Variants in CYP2J2 observed in about 807,000 individuals in gnomAD.
CYP2J2 encodes the protein cytochrome P450 family 2 subfamily J member 2.
In CYP2J2, 41 loss-of-function variants were observed where a neutral mutation model predicts 48.8. The observed-to-expected ratio is 0.84, with a 90% CI of 0.66 to 1.09. CYP2J2 has a LOEUF of 1.09. Ranked by LOEUF, CYP2J2 falls within the 50% of genes least tolerant of loss-of-function variation. CYP2J2 has a pLI of 0.00. For missense variants in CYP2J2, 644 were observed against 617.3 expected (o/e 1.04, Z -0.46); for synonymous variants, 221 against 227.1 (o/e 0.97, Z 0.24).
In CYP2J2 at chr1:59,926,386, G is replaced by T. The variant is rs11572194; in HGVS notation, c.210+151C>A. Reference sequence around the variant, plus strand: ...CATGCCAGTTAATGGGTTAGGAAATGAAACTCAAAGTGGGTTTTACCAGGT... The same window carrying T: ...CATGCCAGTTAATGGGTTAGGAAATTAAACTCAAAGTGGGTTTTACCAGGT... On this transcript the variant is annotated intron_variant, in intron 1 of 8. Transcript: ENST00000371204. 127 of 642,012 alleles carry T rather than the reference G, an allele frequency of 2.0e-4. 1 individual carries two copies. Among genetic ancestry groups the T allele is most frequent in the Admixed American group, 7.3e-4 (27 of 36,786 alleles). 39.8% of individuals were successfully genotyped at this position (642,012 alleles called of 1,614,324 possible).
chr1:59,960,626 T>C, the CYP2J2 span, among the ~76,000 whole-genome samples: 1 of 152,158 alleles, frequency 6.6e-6, no homozygotes, highest in Non-Finnish European at 1.5e-5. Context: ...GTGGATCACT[T>C]GAGGTCAGGA....
At chr1:59,935,016 AT>A in the CYP2J2 span, among the ~76,000 whole-genome samples, 2 of 13,092 alleles carry the variant, frequency 1.5e-4, no homozygotes, top group African/African-American at 1.0e-3. Context: ...ATATATATAC[AT>A]ATATATATAT....
intron 3 of CYP2J2, among the ~76,000 whole-genome samples, 179 bp from the exon 4 acceptor site, chr1:59,911,947 CA>C (rs1438574195): frequency 6.6e-6 from 1 of 152,178 alleles, no homozygotes; most frequent in Non-Finnish European, 1.5e-5. Context: ...CCAGGGAAGT[CA>C]AACTGCGGAC....
chr1:59,927,655 C>A (rs989114496), upstream of CYP2J2, among the ~76,000 whole-genome samples: 2 of 152,168 alleles, frequency 1.3e-5, no homozygotes, highest in South Asian at 4.1e-4. Context: ...TCACTGCAAC[C>A]TCCACCTCCC....
the CYP2J2 span, among the ~76,000 whole-genome samples, chr1:59,969,131 C>T: frequency 6.6e-6 from 1 of 152,266 alleles, no homozygotes; most frequent in East Asian, 1.9e-4. Flanking sequence ...AGTGTGGACC[C>T]AAAGAGTTAG....
At chr1:59,922,800 C>T (rs1644529576) in intron 1 of CYP2J2, among the ~76,000 whole-genome samples, 1 of 152,204 alleles carries the variant, frequency 6.6e-6, no homozygotes, top group Non-Finnish European at 1.5e-5. Context: ...CCCAACAGGA[C>T]AGAAACCATT....
the CYP2J2 span, among the ~76,000 whole-genome samples, chr1:59,951,289 C>T: frequency 1.3e-5 from 2 of 152,176 alleles, no homozygotes; most frequent in Admixed American, 1.3e-4. Context: ...GATCCTTCTC[C>T]AGACTACATG....
intron 1 of CYP2J2, among the ~76,000 whole-genome samples, chr1:59,921,978 C>T (rs1249407237): frequency 1.3e-5 from 2 of 152,194 alleles, no homozygotes; most frequent in African/African-American, 4.8e-5. Flanking sequence ...CCCTAAATCC[C>T]TCACTAACCT....
chr1:59,961,505 T>A, the CYP2J2 span, among the ~76,000 whole-genome samples: 1 of 152,176 alleles, frequency 6.6e-6, no homozygotes, highest in Admixed American at 6.5e-5. Flanking sequence ...CAGAATGAAA[T>A]CTTCATACAT....
intron 5 of CYP2J2, among the ~76,000 whole-genome samples, chr1:59,909,277 G>A (rs553635270): frequency 9.2e-4 from 140 of 152,280 alleles, no homozygotes; most frequent in African/African-American, 3.2e-3. Flanking sequence ...CTAATGTCTG[G>A]AACCTAGGGA....
intron 8 of CYP2J2, among the ~76,000 whole-genome samples, chr1:59,897,811 A>C (rs980219270): frequency 1.3e-5 from 2 of 152,226 alleles, no homozygotes; most frequent in Non-Finnish European, 2.9e-5. Flanking sequence ...ACACTTTAGA[A>C]GCTGTTACAT....
rs1172548606 is a variant in CYP2J2, at chr1:59,916,081, T to A, written c.230A>T (p.Asn77Ile). 1.9e-6 allele frequency: 3 copies of A among 1,608,672 alleles called. No individual in the cohort carries two copies. The highest frequency in any genetic ancestry group is 3.4e-5 in the Admixed American group (2 of 58,872). Residue 77 changes from asparagine to isoleucine, a missense_variant, in exon 2 of 9, where the codon AAC becomes ATC. Asn to Ile is a moderately radical substitution (Grantham distance 149). Transcript: ENST00000371204. ...EVQLFVKKYG[N>I]LFSLELGDIS... ...GTCACCAAGCTCCAAGCTAAAAAGG[T>A]TCCCATATTTCTTCACAAACTGAAA... is the stretch of plus-strand genomic sequence containing the variant.
At chr1:59,942,049 G>A in the CYP2J2 span, among the ~76,000 whole-genome samples, 3 of 152,198 alleles carry the variant, frequency 2.0e-5, no homozygotes, top group Admixed American at 6.5e-5. Context: ...TTCGTGATAA[G>A]TGCCTTATAC....
At chr1:59,941,088 G>A in the CYP2J2 span, among the ~76,000 whole-genome samples, 1 of 152,288 alleles carries the variant, frequency 6.6e-6, no homozygotes, top group Admixed American at 6.5e-5. Flanking sequence ...AGCAGAGTAA[G>A]GTAACTATAG....
At chr1:59,908,023 A>G in intron 5 of CYP2J2, 96 bp from the exon 6 acceptor site, 1 of 1,234,918 alleles carries the variant, frequency 8.1e-7, no homozygotes, top group Non-Finnish European at 1.2e-6. Flanking sequence ...GGACATTTGG[A>G]AGAAAAGGTC....
In CYP2J2 at chr1:59,916,514, G is replaced by T. The variant is rs148088739; in HGVS notation, c.211-414C>A. On this transcript the variant is annotated intron_variant, in intron 1 of 8. Coordinates refer to ENST00000371204, the MANE Select transcript of CYP2J2 (RefSeq NM_000775.4). Reference sequence around the variant, plus strand: ...GTTGGGGGGCCGAGGTAGGCAAATTGCTTGAGCCAAGGAGTTCGAGACCAG... The same window carrying T: ...GTTGGGGGGCCGAGGTAGGCAAATTTCTTGAGCCAAGGAGTTCGAGACCAG... 9.3e-4 allele frequency among the ~76,000 whole-genome samples: 142 copies of T among 152,246 alleles called. 3 individuals carry two copies. In the East Asian group the frequency reaches 0.012, roughly 13 times the overall value.
At chr1:59,917,306 G>A (rs1341310642) in intron 1 of CYP2J2, among the ~76,000 whole-genome samples, 4 of 152,140 alleles carry the variant, frequency 2.6e-5, no homozygotes, top group Non-Finnish European at 5.9e-5. Flanking sequence ...TGGCAAAGGG[G>A]ACAGGAACCC....
chr1:59,934,778 C>T, the CYP2J2 span, among the ~76,000 whole-genome samples: 1 of 151,394 alleles, frequency 6.6e-6, no homozygotes, highest in East Asian at 1.9e-4. Context: ...CTGGTACAAC[C>T]ATTATGAAAT....
the CYP2J2 span, among the ~76,000 whole-genome samples, chr1:59,944,587 T>C: frequency 6.6e-6 from 1 of 152,328 alleles, no homozygotes; most frequent in East Asian, 1.9e-4. Context: ...CAAAAGGGTA[T>C]TTTCATTTAA....
Sources: gnomAD v4.1 joint callset for allele counts (sites outside exome capture counted in the v4.1 genomes callset) on GRCh38, gnomAD v4.1.1 for gene constraint, MANE v1.5 for transcripts, NCBI Gene and HGNC (gene_info 2026-07-23, HGNC 2026-07-21) for gene names.